The following XKR6 variants were observed in gnomAD, a reference collection of about 807,000 sequenced individuals.
The protein encoded by XKR6 is XK-related protein 6.
XKR6 carries 22 observed loss-of-function variants against 56.7 expected under a neutral mutation model. That is an observed-to-expected ratio of 0.39 (90% CI 0.28 to 0.55). The LOEUF (loss-of-function observed/expected upper bound fraction) is 0.55, where lower values mean the gene tolerates loss of function less well. Among genes scored for constraint, XKR6 ranks in the 20% least tolerant of loss-of-function variants. XKR6 has a pLI of 0.66. For missense variants in XKR6, 852 were observed against 889.0 expected, an observed-to-expected ratio of 0.96 and a Z score of 0.53; for synonymous variants, 524 against 387.8, an observed-to-expected ratio of 1.35 and a Z score of -4.13.
chr8:11,000,627 G>A (rs1034271658), intron 1 of XKR6, among the ~76,000 whole-genome samples: 4 of 152,204 alleles, frequency 2.6e-5, no homozygotes, highest in African/African-American at 9.7e-5. Context: ...AGAGATTGCA[G>A]TGAGCCAAGA....
intron 1 of XKR6, among the ~76,000 whole-genome samples, chr8:11,157,183 G>A (rs1338454204): frequency 1.3e-5 from 2 of 152,130 alleles, no homozygotes; most frequent in African/African-American, 4.8e-5. Context: ...TGAAAAGCAA[G>A]GAAAGACCAA....
At chr8:11,173,007 C>G (rs186293774) in intron 1 of XKR6, among the ~76,000 whole-genome samples, 13 of 152,140 alleles carry the variant, frequency 8.5e-5, no homozygotes, top group Admixed American at 7.2e-4. Context: ...TTCCATTTAC[C>G]TGATTTGGGG....
intron 1 of XKR6, among the ~76,000 whole-genome samples, chr8:11,095,172 C>G (rs1484016097): frequency 1.3e-5 from 2 of 152,192 alleles, no homozygotes; most frequent in Non-Finnish European, 2.9e-5. Flanking sequence ...GAGTAGCGTT[C>G]AAGTTTGTGC....
At chr8:11,150,510 G>A (rs1159502729) in intron 1 of XKR6, among the ~76,000 whole-genome samples, 1 of 152,058 alleles carries the variant, frequency 6.6e-6, no homozygotes, top group Non-Finnish European at 1.5e-5. Context: ...TTTTTAAACT[G>A]GAATATCTAA....
rs115682861 is a variant in XKR6, at chr8:11,131,617, T to C, written c.764+68959A>G. 5.8e-3 allele frequency among the ~76,000 whole-genome samples: 877 copies of C among 152,292 alleles called. 16 individuals carry two copies. Among genetic ancestry groups the C allele is most frequent in the African/African-American group, 0.02 (845 of 41,530 alleles). On this transcript the variant is annotated intron_variant, in intron 1 of 2. Coordinates refer to ENST00000416569, the MANE Select transcript of XKR6 (RefSeq NM_173683.4). ...AGCCGCCAGTTCTCTTCCCCTGAAG[T>C]AGTCAGTGTTGTCTAGCTCTCCTTT...
intron 1 of XKR6, among the ~76,000 whole-genome samples, chr8:11,028,043 G>A (rs1404722693): frequency 6.6e-6 from 1 of 151,796 alleles, no homozygotes; most frequent in Admixed American, 6.6e-5. Flanking sequence ...AATGTATAAT[G>A]ATCTGTACCC....
intron 1 of XKR6, among the ~76,000 whole-genome samples, chr8:10,949,543 G>A (rs529873391): frequency 1.2e-4 from 18 of 152,382 alleles, no homozygotes; most frequent in African/African-American, 4.3e-4. Context: ...AAAGAGGGCA[G>A]GGAGGCCTCC....
At chr8:10,944,581 C>A (rs1006299020) in intron 1 of XKR6, among the ~76,000 whole-genome samples, 1 of 152,192 alleles carries the variant, frequency 6.6e-6, no homozygotes, top group African/African-American at 2.4e-5. Context: ...CTCAAAGGGC[C>A]TGCAGAAATA....
chr8:10,976,044 C>T (rs1044257122), intron 1 of XKR6, among the ~76,000 whole-genome samples: 18 of 151,988 alleles, frequency 1.2e-4, no homozygotes, highest in Middle Eastern at 3.2e-3. Context: ...GGCGCAATGG[C>T]GGGCGCCTGT....
At chr8:11,137,417 G>C (rs190170763) in intron 1 of XKR6, 128 of 362,912 alleles carry the variant, frequency 3.5e-4, no homozygotes, top group African/African-American at 2.2e-3. Context: ...AGAATAGTGA[G>C]AAGAAATTCT....
chr8:11,167,442 AAAAC>A (rs1802136214), intron 1 of XKR6, among the ~76,000 whole-genome samples: 1 of 152,218 alleles, frequency 6.6e-6, no homozygotes, highest in Non-Finnish European at 1.5e-5. Flanking sequence ...GTTCATGCTT[AAAAC>A]TCAAAACTCA....
At position 10,924,625 on chromosome 8, in the gene XKR6, G is replaced by T. The variant is rs1307238322; in HGVS notation, c.961+9C>A. The T allele has an allele frequency of 1.3e-6, 2 of 1,595,650 alleles. No homozygotes were observed. Among genetic ancestry groups the T allele is most frequent in the Non-Finnish European group, 1.7e-6 (2 of 1,167,616 alleles). ...CCGGGGTGGCGGGGCGCGGCCGGCGGGCACTCACAGGGCAGGGTCTCGGCG... is the reference window on the plus strand; with the variant it reads ...CCGGGGTGGCGGGGCGCGGCCGGCGTGCACTCACAGGGCAGGGTCTCGGCG... On this transcript the variant is annotated intron_variant, in intron 2 of 2. Coordinates refer to ENST00000416569, the MANE Select transcript of XKR6 (RefSeq NM_173683.4).
rs2129106306 is a variant in XKR6 at position 10,897,944 on chromosome 8, A to C, written c.*8T>G. The C allele has an allele frequency of 6.5e-7, 1 of 1,543,878 alleles. No homozygotes were observed. Among genetic ancestry groups the C allele is most frequent in the East Asian group, 2.3e-5 (1 of 44,116 alleles). On this transcript the variant is annotated 3_prime_UTR_variant, in exon 3 of 3. Coordinates refer to ENST00000416569, the MANE Select transcript of XKR6 (RefSeq NM_173683.4). ...TAAGGTCCCCTTCTCAACTTGGTCA[A>C]GATGCTCTTAGAGTGAAGACTCATA... is the stretch of plus-strand genomic sequence containing the variant.
chr8:11,030,424 A>G (rs760062873), intron 1 of XKR6, among the ~76,000 whole-genome samples: 4 of 152,222 alleles, frequency 2.6e-5, no homozygotes, highest in Non-Finnish European at 5.9e-5. Flanking sequence ...CACCAACAGG[A>G]TGCCCTCCAG....
chr8:11,003,957 G>A (rs181575444), intron 1 of XKR6, among the ~76,000 whole-genome samples: 111 of 152,328 alleles, frequency 7.3e-4, no homozygotes, highest in African/African-American at 2.3e-3. Context: ...AGAGGAGACA[G>A]CAGGTGCAAA....
intron 1 of XKR6, among the ~76,000 whole-genome samples, chr8:11,033,411 GAT>G (rs1799052461): frequency 9.1e-6 from 1 of 109,324 alleles, no homozygotes; most frequent in Non-Finnish European, 2.2e-5. Flanking sequence ...TAGTGATGGT[GAT>G]GATGATGATG....
rs570195726 is a variant in XKR6 at position 11,141,951 on chromosome 8, T to C, written c.764+58625A>G. Among the ~76,000 whole-genome samples, 4 of 151,910 alleles carry C rather than the reference T, an allele frequency of 2.6e-5. No individual in the cohort carries two copies. The East Asian group carries it at 5.8e-4, about 22-fold the overall frequency. On this transcript the variant is annotated intron_variant, in intron 1 of 2. Transcript: ENST00000416569. Reference sequence around the variant, plus strand: ...AACTGGTTATAGGGATGTCACCAAATTGTCACTCTGAAAATTCTCCAAGCT... The same window carrying C: ...AACTGGTTATAGGGATGTCACCAAACTGTCACTCTGAAAATTCTCCAAGCT...
At chr8:10,906,997 G>C (rs1185355241) in intron 2 of XKR6, among the ~76,000 whole-genome samples, 2 of 152,060 alleles carry the variant, frequency 1.3e-5, no homozygotes, top group African/African-American at 4.8e-5. Flanking sequence ...GCAGTGAGCA[G>C]GGATCACACC....
chr8:11,170,767 T>C (rs1165746128), intron 1 of XKR6, among the ~76,000 whole-genome samples: 1 of 152,244 alleles, frequency 6.6e-6, no homozygotes, highest in East Asian at 1.9e-4. Context: ...ACATCTCAAG[T>C]ACTGAAGCAA....
Sources: allele counts gnomAD v4.1 joint callset (sites outside exome capture counted in the v4.1 genomes callset), GRCh38; gene constraint gnomAD v4.1.1; transcripts MANE v1.5; gene names NCBI Gene and HGNC (gene_info 2026-07-23, HGNC 2026-07-21).